The following SFMBT1 variants were observed in gnomAD, a reference collection of about 807,000 sequenced individuals.
The protein encoded by SFMBT1 is scm-like with four MBT domains protein 1.
In SFMBT1, 32 loss-of-function variants were observed where a neutral mutation model predicts 108.7. The observed-to-expected ratio is 0.29, with a 90% CI of 0.22 to 0.40. The LOEUF (loss-of-function observed/expected upper bound fraction) is 0.40. SFMBT1 is among the 10% of genes least tolerant of loss of function. The pLI is 1.00. For synonymous variants in SFMBT1, 348 were observed against 369.5 expected (o/e 0.94, Z 0.67); for missense variants, 816 against 1,059.6 (o/e 0.77, Z 3.19).
intron 4 of SFMBT1, among the ~76,000 whole-genome samples, chr3:52,941,416 A>G (rs1703177061): frequency 6.6e-6 from 1 of 151,968 alleles, no homozygotes; most frequent in African/African-American, 2.4e-5. Flanking sequence ...CAACATGGCA[A>G]AATCCCGTCT....
intron 1 of SFMBT1, among the ~76,000 whole-genome samples, chr3:52,970,890 T>C (rs141721998): frequency 8.0e-4 from 122 of 152,242 alleles, no homozygotes; most frequent in Non-Finnish European, 1.6e-3. Flanking sequence ...TCCTAGCACT[T>C]TGGGAGGCCA....
intron 1 of SFMBT1, among the ~76,000 whole-genome samples, chr3:52,978,007 T>TA (rs34041409): frequency 4.0e-5 from 6 of 151,614 alleles, no homozygotes; most frequent in African/African-American, 1.2e-4. Flanking sequence ...TCAGGCACAA[T>TA]AAAAAAAAAT....
chr3:53,024,120 G>A (rs889976791), intron 1 of SFMBT1, among the ~76,000 whole-genome samples: 3 of 151,984 alleles, frequency 2.0e-5, no homozygotes, highest in African/African-American at 7.2e-5. Flanking sequence ...GTGCTAAGGA[G>A]AAAAAAAATT....
intron 1 of SFMBT1, among the ~76,000 whole-genome samples, chr3:53,013,501 T>A (rs956441806): frequency 6.6e-6 from 1 of 151,442 alleles, no homozygotes; most frequent in Non-Finnish European, 1.5e-5. Flanking sequence ...TAGGAAATGA[T>A]TACTATATTT....
chr3:53,019,355 A>G (rs910421175), intron 1 of SFMBT1, among the ~76,000 whole-genome samples: 1 of 146,684 alleles, frequency 6.8e-6, no homozygotes, highest in Non-Finnish European at 1.5e-5. Flanking sequence ...ATCAATGATT[A>G]AGAGGACTCA....
intron 1 of SFMBT1, among the ~76,000 whole-genome samples, chr3:53,027,865 T>G (rs1394437302): frequency 2.6e-5 from 4 of 152,216 alleles, no homozygotes; most frequent in African/African-American, 9.6e-5. Context: ...TGCTGGAGGT[T>G]GCAAATTTTT....
chr3:52,949,803 T>C (rs1703510004), intron 3 of SFMBT1, among the ~76,000 whole-genome samples: 1 of 151,778 alleles, frequency 6.6e-6, no homozygotes, highest in Non-Finnish European at 1.5e-5. Context: ...GGTCTTGAAC[T>C]CCCGACCTCA....
intron 1 of SFMBT1, among the ~76,000 whole-genome samples, chr3:53,026,870 G>T (rs568296293): frequency 6.6e-6 from 1 of 152,132 alleles, no homozygotes; most frequent in African/African-American, 2.4e-5. Flanking sequence ...GTGCAATCAC[G>T]GCTTACTGCA....
chr3:52,926,542 C>T (rs143994645), intron 9 of SFMBT1, among the ~76,000 whole-genome samples: 6 of 152,312 alleles, frequency 3.9e-5, no homozygotes, highest in Non-Finnish European at 5.9e-5. Context: ...TCTGCAAAGA[C>T]GAAGACTTTT....
intron 19 of SFMBT1, among the ~76,000 whole-genome samples, 156 bp from the exon 20 acceptor site, chr3:52,906,397 C>G (rs1406205012): frequency 6.6e-6 from 1 of 152,192 alleles, no homozygotes; most frequent in African/African-American, 2.4e-5. Context: ...CCACGTGCAT[C>G]AGGTACTCAG....
intron 1 of SFMBT1, among the ~76,000 whole-genome samples, chr3:52,972,179 T>C (rs537615914): frequency 6.0e-4 from 91 of 152,360 alleles, no homozygotes; most frequent in Non-Finnish European, 9.4e-4. Flanking sequence ...TCTTGGAACA[T>C]GCTAGAGTAT....
rs528250272 is a variant in SFMBT1 at position 52,950,510 on chromosome 3, T to C, written c.123+3807A>G. On this transcript the variant is annotated intron_variant, in intron 3 of 20. Coordinates refer to ENST00000394752, the MANE Select transcript of SFMBT1 (RefSeq NM_016329.4). ...TGTGTTTTGAGATGGAGTCTCGCTC[T>C]GTTGCCCAGGCTGGAGTGCAATGGC... 4.3e-4 allele frequency among the ~76,000 whole-genome samples: 65 copies of C among 152,344 alleles called. 1 individual carries two copies. The South Asian group carries it at 0.013, about 31-fold the overall frequency.
chr3:52,907,430 C>A, intron 18 of SFMBT1, 116 bp from the exon 19 acceptor site: 1 of 1,516,414 alleles, frequency 6.6e-7, no homozygotes, highest in Non-Finnish European at 8.8e-7. Context: ...AGTTCTTGGG[C>A]CACAAAACCA....
Position 52,926,905 on chromosome 3 carries a change from G to A in SFMBT1, c.1049-792C>T, listed in dbSNP as rs117853587. ...GACAGCCCAACAGTCCCTGCCTACCGAAGACTGGCACCATGTTCTCCCTTT... is the reference window on the plus strand; with the variant it reads ...GACAGCCCAACAGTCCCTGCCTACCAAAGACTGGCACCATGTTCTCCCTTT... On this transcript the variant is annotated intron_variant, in intron 9 of 20. Transcript: ENST00000394752. Among the ~76,000 whole-genome samples the A allele has an allele frequency of 5.8e-4, 89 of 152,186 alleles. 2 individuals are homozygous for A. The East Asian group carries it at 0.014, about 24-fold the overall frequency.
At chr3:53,014,415 A>G (rs995765701) in intron 1 of SFMBT1, among the ~76,000 whole-genome samples, 2 of 151,996 alleles carry the variant, frequency 1.3e-5, no homozygotes, top group African/African-American at 4.8e-5. Flanking sequence ...GTTTACAGTG[A>G]GCCGTGATCA....
At chr3:52,937,554 TC>T (rs1295928543) in intron 4 of SFMBT1, among the ~76,000 whole-genome samples, 1 of 152,124 alleles carries the variant, frequency 6.6e-6, no homozygotes, top group Non-Finnish European at 1.5e-5. Flanking sequence ...TTCCCTTCTT[TC>T]CCCATAGGTA....
chr3:53,026,373 T>C lies in SFMBT1; in HGVS notation c.-131+19443A>G, dbSNP rs1473149554. 2.0e-5 allele frequency among the ~76,000 whole-genome samples: 3 copies of C among 152,164 alleles called. No individual in the cohort carries two copies. In the East Asian group the frequency reaches 5.8e-4, roughly 29 times the overall value. On this transcript the variant is annotated intron_variant, in intron 1 of 20. Transcript: ENST00000394752. ...AAATAATAAAAATATTTTATTGTACTAGAAAGGAAAGATTCTAAAAACACA... is the reference window on the plus strand; with the variant it reads ...AAATAATAAAAATATTTTATTGTACCAGAAAGGAAAGATTCTAAAAACACA...
intron 4 of SFMBT1, among the ~76,000 whole-genome samples, chr3:52,941,077 C>T (rs950782754): frequency 6.6e-6 from 1 of 152,126 alleles, no homozygotes; most frequent in African/African-American, 2.4e-5. Flanking sequence ...CAACTAAATG[C>T]AATGTGATTC....
intron 2 of SFMBT1, among the ~76,000 whole-genome samples, chr3:52,967,292 T>C (rs573567869): frequency 2.0e-5 from 3 of 152,246 alleles, no homozygotes; most frequent in African/African-American, 7.2e-5. Flanking sequence ...TTATTTCAAA[T>C]ATAATTATAC....
Sources: allele counts gnomAD v4.1 joint callset (sites outside exome capture counted in the v4.1 genomes callset), GRCh38; gene constraint gnomAD v4.1.1; transcripts MANE v1.5; gene names NCBI Gene and HGNC (gene_info 2026-07-23, HGNC 2026-07-21).